The following CDH13 variants were observed in gnomAD, a reference collection of about 807,000 sequenced individuals.
The protein encoded by CDH13 is cadherin-13.
Under a neutral mutation model 63.8 loss-of-function variants are expected in CDH13, and 24 were observed. That is an observed-to-expected ratio of 0.38 (90% CI 0.27 to 0.53). The LOEUF (loss-of-function observed/expected upper bound fraction) is 0.53, where lower values mean the gene tolerates loss of function less well. Among genes scored for constraint, CDH13 ranks in the 20% least tolerant of loss-of-function variants. The probability of loss-of-function intolerance (pLI) is 0.85; values close to 1 mark genes in which losing one functional copy is unlikely to be tolerated. For synonymous variants in CDH13, 503 were observed against 355.3 expected (o/e 1.42, Z -4.67); for missense variants, 1,049 against 903.1 (o/e 1.16, Z -2.07).
At chr16:83,298,518 C>T (rs1045304674) in intron 5 of CDH13, among the ~76,000 whole-genome samples, 4 of 152,142 alleles carry the variant, frequency 2.6e-5, no homozygotes, top group African/African-American at 9.7e-5. Flanking sequence ...TAAGCAAGCT[C>T]CTCATTTCCT....
intron 5 of CDH13, among the ~76,000 whole-genome samples, chr16:83,328,624 A>G (rs2090420193): frequency 6.6e-6 from 1 of 152,192 alleles, no homozygotes; most frequent in African/African-American, 2.4e-5. Flanking sequence ...TTGGCTGAGA[A>G]GGTAACCAGC....
chr16:82,985,024 G>T (rs758566175), intron 2 of CDH13, among the ~76,000 whole-genome samples: 1 of 152,170 alleles, frequency 6.6e-6, no homozygotes, highest in African/African-American at 2.4e-5. Flanking sequence ...TCAGTGATGA[G>T]CAGGACAGCA....
rs1271297777 is a variant in CDH13 at position 83,647,127 on chromosome 16, G to A, written c.1102-23663G>A. ...AGATCGAGACCATCCTGTATAACAC[G>A]GTGAAATCCCGTCTCTACTAAAAAC... On this transcript the variant is annotated intron_variant, in intron 8 of 13. Coordinates refer to ENST00000567109, the MANE Select transcript of CDH13 (RefSeq NM_001257.5). 2.6e-5 allele frequency among the ~76,000 whole-genome samples: 4 copies of A among 151,888 alleles called. No homozygotes were observed. The East Asian group carries it at 7.8e-4, about 30-fold the overall frequency.
At chr16:83,653,043 A>G (rs1410463998) in intron 8 of CDH13, among the ~76,000 whole-genome samples, 3 of 152,204 alleles carry the variant, frequency 2.0e-5, no homozygotes, top group African/African-American at 7.2e-5. Flanking sequence ...GAAAAAAGTC[A>G]GACAGAAATG....
chr16:82,666,445 C>T (rs1232898143), intron 1 of CDH13, among the ~76,000 whole-genome samples: 1 of 152,214 alleles, frequency 6.6e-6, no homozygotes, highest in South Asian at 2.1e-4. Context: ...CTTGTTCCTT[C>T]CACATGGAGA....
intron 1 of CDH13, among the ~76,000 whole-genome samples, chr16:82,745,053 A>C (rs1316251973): frequency 2.0e-5 from 3 of 152,196 alleles, no homozygotes; most frequent in Admixed American, 2.0e-4. Flanking sequence ...TCTAGTGACA[A>C]ATCAGCAAAA....
At chr16:82,924,116 C>T (rs1897823988) in intron 2 of CDH13, among the ~76,000 whole-genome samples, 1 of 152,280 alleles carries the variant, frequency 6.6e-6, no homozygotes, top group East Asian at 1.9e-4. Flanking sequence ...TAACTAGTTT[C>T]CCTATTTCCT....
intron 1 of CDH13, among the ~76,000 whole-genome samples, chr16:82,854,890 C>A (rs764798107): frequency 2.0e-5 from 3 of 152,142 alleles, no homozygotes; most frequent in Non-Finnish European, 4.4e-5. Flanking sequence ...GACTCCTTAT[C>A]CTGTGTGGCA....
chr16:83,433,193 G>T (rs1598008874), intron 6 of CDH13, among the ~76,000 whole-genome samples: 2 of 152,308 alleles, frequency 1.3e-5, no homozygotes, highest in Admixed American at 1.3e-4. Flanking sequence ...AGAGTGTTGG[G>T]ACCAGAAAGG....
Position 83,179,509 on chromosome 16 carries a change from G to A in CDH13, c.484-37836G>A, listed in dbSNP as rs559623022. 1.9e-4 allele frequency among the ~76,000 whole-genome samples: 17 copies of A among 88,858 alleles called. No individual in the cohort carries two copies. The South Asian group carries it at 4.7e-3, about 24-fold the overall frequency. 58.3% of individuals were successfully genotyped at this position (88,858 alleles called of 152,430 possible). ...AAAAAAAAAAAAAAAAAAATTAGCC[G>A]GGCGTGGTGGCGGGCACCTGTAGTC... On this transcript the variant is annotated intron_variant, in intron 4 of 13. Transcript: ENST00000567109.
At chr16:83,206,364 C>T (rs1597513958) in intron 4 of CDH13, among the ~76,000 whole-genome samples, 1 of 152,234 alleles carries the variant, frequency 6.6e-6, no homozygotes. Context: ...ATGCACATCT[C>T]ATGTCCCCAG....
chr16:82,777,717 A>C (rs1263026832), intron 1 of CDH13, among the ~76,000 whole-genome samples: 2 of 152,174 alleles, frequency 1.3e-5, no homozygotes, highest in Non-Finnish European at 2.9e-5. Context: ...GTGTCAACTG[A>C]GGCAGCAGTC....
chr16:83,414,880 C>G (rs756783104), intron 6 of CDH13, among the ~76,000 whole-genome samples: 5 of 152,106 alleles, frequency 3.3e-5, no homozygotes, highest in Non-Finnish European at 5.9e-5. Context: ...AACGTGGTAG[C>G]TCTCCAGTAA....
intron 6 of CDH13, among the ~76,000 whole-genome samples, chr16:83,476,289 C>T (rs185609542): frequency 2.0e-5 from 3 of 152,064 alleles, no homozygotes; most frequent in African/African-American, 7.2e-5. Flanking sequence ...CAAAAGTATC[C>T]CCAGGCATTG....
chr16:83,316,471 G>C (rs973782503), intron 5 of CDH13, among the ~76,000 whole-genome samples: 1 of 152,196 alleles, frequency 6.6e-6, no homozygotes, highest in Non-Finnish European at 1.5e-5. Flanking sequence ...CGCTAGAGCT[G>C]GAGATCAGCA....
At chr16:82,949,826 A>T (rs1905107377) in intron 2 of CDH13, among the ~76,000 whole-genome samples, 1 of 151,956 alleles carries the variant, frequency 6.6e-6, no homozygotes, top group African/African-American at 2.4e-5. Flanking sequence ...TGCTTTACAG[A>T]CTCAAAATGA....
chr16:82,771,448 C>T (rs928810732), intron 1 of CDH13, among the ~76,000 whole-genome samples: 1 of 152,138 alleles, frequency 6.6e-6, no homozygotes, highest in Non-Finnish European at 1.5e-5. Context: ...TGCTTGATAG[C>T]ATTTGTAAAG....
At chr16:83,793,421 A>T (rs527744554) in intron 13 of CDH13, among the ~76,000 whole-genome samples, 3 of 152,190 alleles carry the variant, frequency 2.0e-5, no homozygotes, top group Non-Finnish European at 4.4e-5. Context: ...GCAGCTGGCC[A>T]TAAGGAGGAG....
intron 6 of CDH13, among the ~76,000 whole-genome samples, chr16:83,364,054 C>G (rs1454244862): frequency 1.3e-5 from 2 of 152,146 alleles, no homozygotes; most frequent in African/African-American, 4.8e-5. Flanking sequence ...AAAGCCGATA[C>G]TCAAAGAATA....
Sources: allele counts gnomAD v4.1 joint callset (sites outside exome capture counted in the v4.1 genomes callset), GRCh38; gene constraint gnomAD v4.1.1; transcripts MANE v1.5; gene names NCBI Gene and HGNC (gene_info 2026-07-23, HGNC 2026-07-21).